Variants in PRUNE2 observed in about 807,000 individuals in gnomAD.
The protein encoded by PRUNE2 is protein prune homolog 2.
A neutral mutation model predicts 252.0 loss-of-function variants in PRUNE2; 164 were observed. The ratio of observed to expected loss-of-function variants is 0.65; its 90% CI spans 0.57 to 0.74. PRUNE2 has a LOEUF of 0.74. Ranked by LOEUF, PRUNE2 falls within the 30% of genes least tolerant of loss-of-function variation. PRUNE2 has a pLI of 0.00. For missense variants in PRUNE2, 3,495 were observed against 3,711.0 expected, an observed-to-expected ratio of 0.94 and a Z score of 1.51; for synonymous variants, 1,292 against 1,350.2, an observed-to-expected ratio of 0.96 and a Z score of 0.94.
chr9:76,884,464 A>C (rs1454534812), intron 1 of PRUNE2, among the ~76,000 whole-genome samples: 1 of 152,222 alleles, frequency 6.6e-6, no homozygotes, highest in East Asian at 1.9e-4. Flanking sequence ...CAGATGAGAA[A>C]ACTAAGACTT....
intron 1 of PRUNE2, among the ~76,000 whole-genome samples, chr9:76,905,159 A>G (rs1407364717): frequency 1.3e-5 from 2 of 152,188 alleles, no homozygotes; most frequent in African/African-American, 4.8e-5. Flanking sequence ...TGGAGAGCCA[A>G]AACAGTTTGG....
At chr9:76,773,473 C>T (rs1393729698) in intron 6 of PRUNE2, among the ~76,000 whole-genome samples, 2 of 140,488 alleles carry the variant, frequency 1.4e-5, no homozygotes, top group East Asian at 2.1e-4. Context: ...GACAGAGTCT[C>T]GCTCTTGTCG....
intron 6 of PRUNE2, among the ~76,000 whole-genome samples, chr9:76,713,997 A>G (rs2046941981): frequency 6.6e-6 from 1 of 152,174 alleles, no homozygotes; most frequent in Non-Finnish European, 1.5e-5. Context: ...ATTTTTTTCT[A>G]AAATATTTAT....
chr9:76,657,781 AC>A (rs1849792158), intron 9 of PRUNE2, among the ~76,000 whole-genome samples: 1 of 152,250 alleles, frequency 6.6e-6, no homozygotes, highest in Non-Finnish European at 1.5e-5. Context: ...TCATGGTTGG[AC>A]AAATCATAAT....
intron 6 of PRUNE2, among the ~76,000 whole-genome samples, chr9:76,725,295 A>T (rs940184241): frequency 2.0e-4 from 30 of 152,344 alleles, no homozygotes; most frequent in African/African-American, 7.0e-4. Flanking sequence ...AATGAAGATC[A>T]AACTGTCTCT....
At chr9:76,637,339 A>T in intron 14 of PRUNE2, 79 bp downstream of exon 14, 2 of 1,356,534 alleles carry the variant, frequency 1.5e-6, no homozygotes. Flanking sequence ...TAATGAAGAT[A>T]ATAACAGTAT....
intron 9 of PRUNE2, among the ~76,000 whole-genome samples, chr9:76,666,566 G>A (rs548967653): frequency 6.6e-6 from 1 of 152,324 alleles, no homozygotes; most frequent in African/African-American, 2.4e-5. Context: ...GCCAGGCAGG[G>A]AAGGGCCCCC....
intron 6 of PRUNE2, 40 bp from the exon 7 acceptor site, chr9:76,713,761 G>T (rs1377562879): frequency 2.1e-6 from 3 of 1,462,106 alleles, no homozygotes; most frequent in Non-Finnish European, 2.8e-6. Context: ...ATGTCAAACT[G>T]CCCAGCTGCG....
chr9:76,844,989 C>T (rs1273679550), intron 4 of PRUNE2, among the ~76,000 whole-genome samples: 2 of 128,030 alleles, frequency 1.6e-5, no homozygotes, highest in Non-Finnish European at 3.1e-5. Flanking sequence ...TATGGTGAGA[C>T]CCCCCTCTCT....
intron 1 of PRUNE2, among the ~76,000 whole-genome samples, chr9:76,901,314 C>T (rs1589847137): frequency 6.6e-6 from 1 of 152,122 alleles, no homozygotes; most frequent in African/African-American, 2.4e-5. Flanking sequence ...GAGTTTCCTG[C>T]TCATAAATGC....
intron 17 of PRUNE2, among the ~76,000 whole-genome samples, chr9:76,623,970 G>A (rs772358549): frequency 6.6e-6 from 1 of 152,180 alleles, no homozygotes; most frequent in Non-Finnish European, 1.5e-5. Flanking sequence ...CATCAAAATA[G>A]CTCAAAGGCT....
In PRUNE2 at chr9:76,846,655, G is replaced by C; in HGVS notation, c.368C>G (p.Ala123Gly). 6.2e-7 allele frequency: 1 copy of C among 1,613,870 alleles called. No homozygotes were observed. The highest frequency in any genetic ancestry group is 8.5e-7 in the Non-Finnish European group (1 of 1,179,798). The change falls in exon 4 of 19, where the codon GCA (alanine) becomes GGA (glycine). Residue 123 changes from alanine to glycine, a missense_variant. Transcript: ENST00000376718. Reference protein sequence around the residue: ...LASEDKTLESAVVKVINPVEQ... With the variant: ...LASEDKTLESGVVKVINPVEQ... The stretch of plus-strand genomic sequence containing the variant: ...AACCGGATTAATGACTTTGACAACT[G>C]CTGATTCTAAAGTTTTGTCTTCACT...
chr9:76,780,652 C>T (rs1346708288), intron 6 of PRUNE2, among the ~76,000 whole-genome samples: 3 of 152,188 alleles, frequency 2.0e-5, no homozygotes, highest in Non-Finnish European at 4.4e-5. Context: ...GATCGCCCCA[C>T]TGCACTCCAG....
At chr9:76,680,971 C>T (rs909268934) in intron 9 of PRUNE2, among the ~76,000 whole-genome samples, 3 of 152,138 alleles carry the variant, frequency 2.0e-5, no homozygotes, top group East Asian at 3.9e-4. Context: ...CCTCCCCCAA[C>T]ACATGGAGAT....
At chr9:76,750,234 A>G (rs953248581) in intron 6 of PRUNE2, among the ~76,000 whole-genome samples, 13 of 152,214 alleles carry the variant, frequency 8.5e-5, no homozygotes, top group Non-Finnish European at 1.5e-4. Flanking sequence ...TTATTGAACC[A>G]GAAGAGAGGG....
chr9:76,896,903 T>C (rs1009893082), intron 1 of PRUNE2, among the ~76,000 whole-genome samples: 10 of 152,230 alleles, frequency 6.6e-5, no homozygotes, highest in African/African-American at 2.4e-4. Context: ...TTCTTGTTCT[T>C]AACATTTCAC....
chr9:76,634,822 C>T (rs371014408), intron 15 of PRUNE2, among the ~76,000 whole-genome samples: 83 of 152,274 alleles, frequency 5.5e-4, no homozygotes, highest in Middle Eastern at 3.4e-3. Context: ...AAGCAAACAT[C>T]GATGAATCAG....
intron 9 of PRUNE2, among the ~76,000 whole-genome samples, chr9:76,681,316 G>A (rs1430785296): frequency 6.6e-6 from 1 of 152,118 alleles, no homozygotes; most frequent in African/African-American, 2.4e-5. Context: ...AATGGGTATT[G>A]AGTTTTAGTT....
At chr9:76,830,973 AG>A (rs1431418547) in intron 4 of PRUNE2, among the ~76,000 whole-genome samples, 1 of 149,034 alleles carries the variant, frequency 6.7e-6, no homozygotes, top group Non-Finnish European at 1.5e-5. Context: ...TCTGTTGCCC[AG>A]GCTGGAGTGC....
Sources: gnomAD v4.1 joint callset for allele counts (sites outside exome capture counted in the v4.1 genomes callset) on GRCh38, gnomAD v4.1.1 for gene constraint, MANE v1.5 for transcripts, NCBI Gene and HGNC (gene_info 2026-07-23, HGNC 2026-07-21) for gene names.